SULF1: variants seen among roughly 807,000 people sequenced by gnomAD.
SULF1 encodes sulfatase 1.
SULF1 carries 46 observed loss-of-function variants against 110.5 expected under a neutral mutation model. The ratio of observed to expected loss-of-function variants is 0.42; its 90% CI spans 0.33 to 0.53. The LOEUF (loss-of-function observed/expected upper bound fraction) is 0.53. Among genes scored for constraint, SULF1 ranks in the 20% least tolerant of loss-of-function variants. The pLI, the probability that SULF1 is intolerant of heterozygous loss-of-function variation, is 0.12. For missense variants in SULF1, 941 were observed against 1,094.2 expected (o/e 0.86, Z 1.98); for synonymous variants, 371 against 387.1 (o/e 0.96, Z 0.49).
At chr8:69,621,389 C>G in intron 14 of SULF1, 138 bp downstream of exon 14, 1 of 563,172 alleles carries the variant, frequency 1.8e-6, no homozygotes, top group South Asian at 3.6e-5. Flanking sequence ...CATCATTGCT[C>G]TATTTAAAAT....
In SULF1 at chr8:69,604,935, G is replaced by A. The variant is rs770520568; in HGVS notation, c.1377+3G>A. 10 of 1,613,788 alleles carry A rather than the reference G, an allele frequency of 6.2e-6. No individual in the cohort carries two copies. In the South Asian group the frequency reaches 9.9e-5, roughly 16 times the overall value. ...CAGCCTGTGAACAACCGGGGCAGGT[G>A]AGTGACGCAGGCTTTCTTTACCACC... On this transcript the variant is annotated splice_donor_region_variant and intron_variant, in intron 13 of 22. Transcript: ENST00000402687.
At chr8:69,494,174 A>G (rs1171697546) in intron 1 of SULF1, among the ~76,000 whole-genome samples, 1 of 152,108 alleles carries the variant, frequency 6.6e-6, no homozygotes, top group Admixed American at 6.5e-5. Flanking sequence ...TTAATGCTGT[A>G]AGTGCTGTGA....
chr8:69,600,898 G>T, intron 9 of SULF1, 145 bp downstream of exon 9: 2 of 952,444 alleles, frequency 2.1e-6, no homozygotes, highest in East Asian at 4.9e-5. Context: ...TATGTGTTTA[G>T]TGGCTTAATC....
At chr8:69,490,006 T>C (rs922873510), upstream of SULF1, among the ~76,000 whole-genome samples, 1 of 152,046 alleles carries the variant, frequency 6.6e-6, no homozygotes, top group Non-Finnish European at 1.5e-5. Context: ...ATCCTTTAGA[T>C]AAAGGACATT....
In SULF1 at chr8:69,539,048, C is replaced by T. The variant is rs559614690; in HGVS notation, c.-133-24491C>T. The stretch of plus-strand genomic sequence containing the variant: ...AGGATTGAACCCTGTAGCTGGATCC[C>T]GTCTAGTGTCCAGGGCTGCCTTTGA... On this transcript the variant is annotated intron_variant, in intron 3 of 22. Transcript: ENST00000402687. 4.6e-5 allele frequency among the ~76,000 whole-genome samples: 7 copies of T among 152,302 alleles called. No homozygotes were observed. The South Asian group carries it at 1.2e-3, about 27-fold the overall frequency.
chr8:69,547,192 G>A (rs1040339212), intron 3 of SULF1, among the ~76,000 whole-genome samples: 2 of 152,226 alleles, frequency 1.3e-5, no homozygotes, highest in South Asian at 2.1e-4. Context: ...AGGTGGGGTG[G>A]GGTGGGGGAG....
chr8:69,615,346 G>T (rs1209725670), intron 13 of SULF1, among the ~76,000 whole-genome samples: 1 of 152,160 alleles, frequency 6.6e-6, no homozygotes, highest in Non-Finnish European at 1.5e-5. Flanking sequence ...GTTTTATTGT[G>T]CAGTCATAAA....
intron 3 of SULF1, among the ~76,000 whole-genome samples, chr8:69,511,378 A>G (rs1811547711): frequency 6.6e-6 from 1 of 152,176 alleles, no homozygotes; most frequent in African/African-American, 2.4e-5. Context: ...AAAATCCGAT[A>G]AAAAGATCCT....
At chr8:69,608,368 A>G (rs181618840) in intron 13 of SULF1, among the ~76,000 whole-genome samples, 11 of 152,308 alleles carry the variant, frequency 7.2e-5, no homozygotes, top group Admixed American at 3.9e-4. Flanking sequence ...TTTCATTCCT[A>G]TGAAGCCAAT....
At chr8:69,611,571 A>G (rs150919093) in intron 13 of SULF1, among the ~76,000 whole-genome samples, 19 of 152,366 alleles carry the variant, frequency 1.2e-4, no homozygotes, top group Non-Finnish European at 2.4e-4. Context: ...AAAGATGTGA[A>G]TATGGTCTTT....
At chr8:69,623,805 G>A in intron 14 of SULF1, 137 bp from the exon 15 acceptor site, 1 of 999,420 alleles carries the variant, frequency 1.0e-6, no homozygotes, top group Non-Finnish European at 1.4e-6. Flanking sequence ...GTGAATTGCA[G>A]GCACCACGAT....
At chr8:69,585,349 A>G (rs1806375521) in intron 6 of SULF1, among the ~76,000 whole-genome samples, 1 of 152,178 alleles carries the variant, frequency 6.6e-6, no homozygotes. Context: ...AGCAATTACA[A>G]ATAACATCCT....
At chr8:69,473,567 A>C (rs1419051767) in intron 1 of SULF1, among the ~76,000 whole-genome samples, 1 of 152,228 alleles carries the variant, frequency 6.6e-6, no homozygotes, top group Non-Finnish European at 1.5e-5. Context: ...CTGGATGGAC[A>C]ATCAATTCAT....
intron 8 of SULF1, among the ~76,000 whole-genome samples, chr8:69,599,276 G>C (rs981623029): frequency 6.6e-6 from 1 of 152,188 alleles, no homozygotes; most frequent in Non-Finnish European, 1.5e-5. Flanking sequence ...TCCTCAGACA[G>C]AGATTGGGAA....
intron 6 of SULF1, among the ~76,000 whole-genome samples, chr8:69,578,033 G>A (rs1429556339): frequency 1.3e-5 from 2 of 152,172 alleles, no homozygotes; most frequent in Non-Finnish European, 2.9e-5. Context: ...CAAACTGCTT[G>A]CTGTGGAGTT....
intron 3 of SULF1, chr8:69,562,939 G>A (rs554153867): frequency 1.0e-4 from 16 of 152,710 alleles, no homozygotes; most frequent in African/African-American, 2.4e-4. Flanking sequence ...AGCCTTGCAC[G>A]GAGGAAGCAC....
At chr8:69,570,476 C>T (rs1055458036) in intron 5 of SULF1, among the ~76,000 whole-genome samples, 1 of 152,210 alleles carries the variant, frequency 6.6e-6, no homozygotes, top group Admixed American at 6.5e-5. Context: ...TCAGGATCTC[C>T]GTGTGATTTT....
chr8:69,522,182 C>T (rs1331056453), intron 3 of SULF1, among the ~76,000 whole-genome samples: 1 of 152,052 alleles, frequency 6.6e-6, no homozygotes, highest in Non-Finnish European at 1.5e-5. Context: ...TCCTGAGTAG[C>T]TGGGACTACA....
chr8:69,624,011 A>G lies in SULF1; in HGVS notation c.1664A>G (p.Tyr555Cys). The G allele has an allele frequency of 6.2e-7, 1 of 1,614,216 alleles. No individual in the cohort carries two copies. Among genetic ancestry groups the G allele is most frequent in the Non-Finnish European group, 8.5e-7 (1 of 1,180,048 alleles). ...TCCGTCGAATTTGAAGGTGAAATAT[A>G]TGACATAAATCTGGAAGAAGAAGAA... ...SLSVEFEGEI[Y>C]DINLEEEEEL... The change falls in exon 15 of 23, where the codon TAT (tyrosine) becomes TGT (cysteine). Residue 555 changes from tyrosine to cysteine, a missense_variant. By Grantham distance (194) the Tyr-to-Cys change is radical. Transcript: ENST00000402687.
Sources: allele counts gnomAD v4.1 joint callset (sites outside exome capture counted in the v4.1 genomes callset), GRCh38; gene constraint gnomAD v4.1.1; transcripts MANE v1.5; gene names NCBI Gene and HGNC (gene_info 2026-07-23, HGNC 2026-07-21).